RBFOX1: variants seen among roughly 807,000 people sequenced by gnomAD.
RBFOX1 encodes RNA binding fox-1 homolog 1, also known as RNA binding protein fox-1 homolog 1.
Under a neutral mutation model 57.7 loss-of-function variants are expected in RBFOX1, and 8 were observed. The ratio of observed to expected loss-of-function variants is 0.14; its 90% CI spans 0.08 to 0.25. The LOEUF (loss-of-function observed/expected upper bound fraction) is 0.25, where lower values mean the gene tolerates loss of function less well. RBFOX1 is among the 10% of genes least tolerant of loss of function. RBFOX1 has a pLI of 1.00. For synonymous variants in RBFOX1, 326 were observed against 222.4 expected, an observed-to-expected ratio of 1.47 and a Z score of -4.15; for missense variants, 611 against 548.5, an observed-to-expected ratio of 1.11 and a Z score of -1.14.
At chr16:5,756,934 C>G (rs1011214432) in intron 3 of RBFOX1, among the ~76,000 whole-genome samples, 1 of 152,132 alleles carries the variant, frequency 6.6e-6, no homozygotes, top group Non-Finnish European at 1.5e-5. Flanking sequence ...AAGGATAAAG[C>G]CCTTAACTGT....
chr16:6,860,527 A>G (rs575705126), intron 3 of RBFOX1, among the ~76,000 whole-genome samples: 3 of 152,346 alleles, frequency 2.0e-5, no homozygotes, highest in Admixed American at 1.3e-4. Context: ...GGGACATTCA[A>G]GATGCATGTA....
At chr16:7,350,105 C>G (rs887656030) in intron 4 of RBFOX1, among the ~76,000 whole-genome samples, 4 of 152,054 alleles carry the variant, frequency 2.6e-5, no homozygotes, top group Non-Finnish European at 4.4e-5. Flanking sequence ...CGAGATCAGG[C>G]CACTGTACTC....
chr16:5,269,449 C>T (rs1292559827), intron 1 of RBFOX1, among the ~76,000 whole-genome samples: 1 of 152,244 alleles, frequency 6.6e-6, no homozygotes, highest in African/African-American at 2.4e-5. Context: ...CTCCTAATAA[C>T]CCAAAGAGGG....
chr16:5,558,249 C>T (rs896992231), intron 2 of RBFOX1, among the ~76,000 whole-genome samples: 4 of 152,186 alleles, frequency 2.6e-5, no homozygotes, highest in Non-Finnish European at 4.4e-5. Context: ...GATTAACACA[C>T]AAGCTGTCTG....
intron 3 of RBFOX1, among the ~76,000 whole-genome samples, chr16:6,755,059 A>G (rs1414204122): frequency 1.3e-5 from 2 of 152,186 alleles, no homozygotes; most frequent in African/African-American, 2.4e-5. Context: ...GCTGCATAGT[A>G]TTCCATGGTG....
chr16:5,750,520 T>A (rs1485213903), intron 3 of RBFOX1, among the ~76,000 whole-genome samples: 1 of 152,208 alleles, frequency 6.6e-6, no homozygotes, highest in Non-Finnish European at 1.5e-5. Context: ...TCCACACAGT[T>A]GGAGCTTCCC....
intron 13 of RBFOX1, among the ~76,000 whole-genome samples, chr16:7,675,275 G>C (rs1272777631): frequency 6.6e-6 from 1 of 152,032 alleles, no homozygotes; most frequent in Non-Finnish European, 1.5e-5. Context: ...AACTGCTTTG[G>C]TTTTATAACT....
chr16:7,284,683 G>T (rs2095614108), intron 4 of RBFOX1, among the ~76,000 whole-genome samples: 1 of 152,196 alleles, frequency 6.6e-6, no homozygotes, highest in South Asian at 2.1e-4. Flanking sequence ...CAGAGTGGTA[G>T]TTTCGGTGTT....
At chr16:5,634,643 G>C (rs75591668) in intron 3 of RBFOX1, among the ~76,000 whole-genome samples, 4 of 152,274 alleles carry the variant, frequency 2.6e-5, no homozygotes, top group African/African-American at 7.2e-5. Context: ...TGGTCAGAGA[G>C]GAAGGATCAT....
rs539879623 is a variant in RBFOX1, at chr16:5,488,457, A to G, written c.258+21203A>G. 2.7e-5 allele frequency among the ~76,000 whole-genome samples: 4 copies of G among 146,114 alleles called. No individual in the cohort carries two copies. In the South Asian group the frequency reaches 9.0e-4, roughly 33 times the overall value. On this transcript the variant is annotated intron_variant, in intron 2 of 2. Transcript: ENST00000585867. ...GTGATGATGATGGTGATGATTGAAGATGATGGTGTGGTGGGGTGTGATGGT... is the reference window on the plus strand; with the variant it reads ...GTGATGATGATGGTGATGATTGAAGGTGATGGTGTGGTGGGGTGTGATGGT...
chr16:7,462,633 G>T (rs934259866), intron 4 of RBFOX1, among the ~76,000 whole-genome samples: 1 of 152,220 alleles, frequency 6.6e-6, no homozygotes, highest in Non-Finnish European at 1.5e-5. Flanking sequence ...GCAGGGCTTT[G>T]TTTCTTACTA....
intron 4 of RBFOX1, among the ~76,000 whole-genome samples, chr16:7,251,677 C>A (rs1301290145): frequency 6.6e-6 from 1 of 152,104 alleles, no homozygotes; most frequent in South Asian, 2.1e-4. Flanking sequence ...ACCTCAGCCT[C>A]GCAAAGTCGT....
chr16:5,891,943 T>A (rs562202132), intron 4 of RBFOX1, among the ~76,000 whole-genome samples: 4 of 152,340 alleles, frequency 2.6e-5, no homozygotes, highest in South Asian at 4.1e-4. Context: ...AAGAAGACGA[T>A]GTCTCTTGTG....
chr16:5,901,151 C>G (rs1317334899), intron 4 of RBFOX1, among the ~76,000 whole-genome samples: 1 of 152,178 alleles, frequency 6.6e-6, no homozygotes, highest in African/African-American at 2.4e-5. Flanking sequence ...GCAGCCCAGT[C>G]ATGTTCGTCT....
At chr16:6,579,817 C>T (rs898785275) in intron 2 of RBFOX1, among the ~76,000 whole-genome samples, 1 of 152,136 alleles carries the variant, frequency 6.6e-6, no homozygotes, top group South Asian at 2.1e-4. Context: ...AACTCCTGGT[C>T]TCAAGCTGTC....
intron 1 of RBFOX1, among the ~76,000 whole-genome samples, chr16:6,256,926 G>A (rs1224830478): frequency 1.3e-5 from 2 of 152,064 alleles, no homozygotes; most frequent in Non-Finnish European, 2.9e-5. Flanking sequence ...AACTTAGGTG[G>A]AGAAGTCCTA....
At chr16:6,185,975 T>C (rs572252403) in intron 1 of RBFOX1, among the ~76,000 whole-genome samples, 4 of 152,326 alleles carry the variant, frequency 2.6e-5, no homozygotes, top group South Asian at 4.1e-4. Flanking sequence ...TAAATAGCTA[T>C]GACTTAAAGT....
intron 4 of RBFOX1, among the ~76,000 whole-genome samples, chr16:7,192,536 G>C (rs2085671260): frequency 6.6e-6 from 1 of 152,174 alleles, no homozygotes; most frequent in Admixed American, 6.5e-5. Context: ...TCAACTGTGA[G>C]AAGACCAAAG....
intron 15 of RBFOX1, chr16:7,709,852 T>TGC: frequency 7.5e-6 from 9 of 1,201,774 alleles, no homozygotes; most frequent in Non-Finnish European, 9.3e-6. Flanking sequence ...CAGTAAGACG[T>TGC]GCCCATCACG....
Sources: gnomAD v4.1 joint callset for allele counts (sites outside exome capture counted in the v4.1 genomes callset) on GRCh38, gnomAD v4.1.1 for gene constraint, MANE v1.5 for transcripts, NCBI Gene and HGNC (gene_info 2026-07-23, HGNC 2026-07-21) for gene names.